Variants in RANBP3 observed in about 807,000 individuals in gnomAD.
RANBP3 encodes RAN binding protein 3, also known as ran-binding protein 3.
A neutral mutation model predicts 77.3 loss-of-function variants in RANBP3; 14 were observed. The observed-to-expected ratio is 0.18, with a 90% CI of 0.12 to 0.28. The LOEUF (loss-of-function observed/expected upper bound fraction) is 0.28, where lower values mean the gene tolerates loss of function less well. Among genes scored for constraint, RANBP3 ranks in the 10% least tolerant of loss-of-function variants. The probability of loss-of-function intolerance (pLI) is 1.00; values close to 1 mark genes in which losing one functional copy is unlikely to be tolerated. For missense variants in RANBP3, 586 were observed against 752.3 expected (o/e 0.78, Z 2.59); for synonymous variants, 315 against 312.4 (o/e 1.01, Z -0.09).
intron 3 of RANBP3, among the ~76,000 whole-genome samples, chr19:5,948,864 C>T (rs1041891347): frequency 1.3e-5 from 2 of 152,246 alleles, no homozygotes; most frequent in East Asian, 3.9e-4. Flanking sequence ...CCACCAGGCT[C>T]GCAGTGAGTG....
intron 7 of RANBP3, 23 bp from the exon 8 acceptor site, chr19:5,931,554 G>T: frequency 6.3e-7 from 1 of 1,593,158 alleles, no homozygotes; most frequent in Non-Finnish European, 8.6e-7. Flanking sequence ...AGGAGAGTGG[G>T]GAATCACAGG....
At chr19:5,968,452 T>C (rs2058493726) in intron 1 of RANBP3, among the ~76,000 whole-genome samples, 1 of 152,208 alleles carries the variant, frequency 6.6e-6, no homozygotes, top group South Asian at 2.1e-4. Context: ...CATGCCGTGT[T>C]TGGGGAAGTG....
In RANBP3 at chr19:5,924,700, C is replaced by T; in HGVS notation, c.996+127G>A. 2.1e-6 allele frequency: 2 copies of T among 952,378 alleles called. No individual in the cohort carries two copies. Among genetic ancestry groups the T allele is most frequent in the East Asian group, 2.4e-5 (1 of 41,616 alleles). The allele number at this position is 952,378 out of a possible 1,614,324, so 59.0% of individuals were successfully genotyped here. A position where few individuals can be genotyped will look rare whatever the true frequency, so the allele number is the denominator to read the frequency against. On this transcript the variant is annotated intron_variant, in intron 11 of 16. Transcript: ENST00000340578. The surrounding 1 kb of genome is among the most constrained non-coding windows in gnomAD (Gnocchi z 4.7). ...TCTGAGCAGGGTCTTCCCTCTCTCACTTGCTACTGAAGGCATCCCCATCTC... is the reference window on the plus strand; with the variant it reads ...TCTGAGCAGGGTCTTCCCTCTCTCATTTGCTACTGAAGGCATCCCCATCTC...
At chr19:5,947,301 G>A (rs1158904146) in intron 3 of RANBP3, among the ~76,000 whole-genome samples, 1 of 143,744 alleles carries the variant, frequency 7.0e-6, no homozygotes, top group East Asian at 2.0e-4. Flanking sequence ...GCAACAGAGG[G>A]AGACTCTGTC....
intron 5 of RANBP3, among the ~76,000 whole-genome samples, chr19:5,937,679 C>A (rs1267019564): frequency 6.6e-6 from 1 of 152,188 alleles, no homozygotes; most frequent in Non-Finnish European, 1.5e-5. Flanking sequence ...GTTTGCAGAA[C>A]TGATGTGTGG....
intron 2 of RANBP3, among the ~76,000 whole-genome samples, chr19:5,953,471 A>G (rs1215407482): frequency 6.6e-6 from 1 of 152,224 alleles, no homozygotes; most frequent in African/African-American, 2.4e-5. Context: ...CCACATTTTC[A>G]GTGATACTGT....
At chr19:5,943,316 G>A (rs1455869702) in intron 3 of RANBP3, among the ~76,000 whole-genome samples, 2 of 152,196 alleles carry the variant, frequency 1.3e-5, no homozygotes, top group African/African-American at 4.8e-5. Context: ...AGTGGCCTGG[G>A]AAAGCAAACT....
At chr19:5,925,872 T>G in intron 9 of RANBP3, 135 bp from the exon 10 acceptor site, 2 of 663,818 alleles carry the variant, frequency 3.0e-6, no homozygotes, top group Non-Finnish European at 2.7e-6. Flanking sequence ...CGCCTGTGTG[T>G]GTGCGCGTGC....
At position 5,917,548 on chromosome 19, in the gene RANBP3, C is replaced by T. The variant is rs1265071926; in HGVS notation, c.*62G>A. 28 of 1,230,602 alleles carry T rather than the reference C, an allele frequency of 2.3e-5. No homozygotes were observed. The East Asian group carries it at 5.3e-4, about 23-fold the overall frequency. 76.2% of individuals were successfully genotyped at this position (1,230,602 alleles called of 1,614,324 possible). On this transcript the variant is annotated 3_prime_UTR_variant, in exon 17 of 17. Coordinates refer to ENST00000340578, the MANE Select transcript of RANBP3 (RefSeq NM_007322.3). The stretch of plus-strand genomic sequence containing the variant: ...CTGGACGCTGCCGGTGGGGTGGGGG[C>T]GGGTGGGCGGGTGGATAGACGGACA...
intron 10 of RANBP3, 104 bp from the exon 11 acceptor site, chr19:5,925,009 A>G: frequency 9.6e-7 from 1 of 1,036,768 alleles, no homozygotes. Context: ...GGCACAGTGG[A>G]GGGGCCTCCG....
In RANBP3 at chr19:5,941,653, G is replaced by C. The variant is rs1334268686; in HGVS notation, c.374C>G (p.Ser125Cys). ...TGAGGGTGGGAACTGGGTTAAAGAG[G>C]ATGTTCTTTCTCGCTTGACAGGAGG... is the stretch of plus-strand genomic sequence containing the variant. Reference protein sequence around the residue: ...YCPPVKRERTSSLTQFPPSQS... With the variant: ...YCPPVKRERTCSLTQFPPSQS... Residue 125 changes from serine to cysteine, a missense_variant, in exon 5 of 17, where the codon TCC becomes TGC. By Grantham distance (112) the Ser-to-Cys change is moderately radical (BLOSUM62 -1). Transcript: ENST00000340578. 7.4e-6 allele frequency: 12 copies of C among 1,613,696 alleles called. No individual in the cohort carries two copies. Among genetic ancestry groups the C allele is most frequent in the African/African-American group, 1.3e-5 (1 of 74,932 alleles).
chr19:5,943,126 C>T (rs13343327), intron 3 of RANBP3, among the ~76,000 whole-genome samples: 1 of 152,314 alleles, frequency 6.6e-6, no homozygotes, highest in South Asian at 2.1e-4. Context: ...CAAAGCGCAC[C>T]GATGAGTGAG....
At chr19:5,957,259 G>A (rs534707128) in intron 2 of RANBP3, among the ~76,000 whole-genome samples, 7 of 152,258 alleles carry the variant, frequency 4.6e-5, no homozygotes, top group Admixed American at 6.5e-5. Flanking sequence ...AGCACCCATC[G>A]TTGTCTTATC....
chr19:5,951,550 C>CG lies in RANBP3; in HGVS notation c.124dup (p.Arg42ProfsTer5). ...ATGGTGGGGGGCCTCAGCCTCCCCC[C>CG]GAGGCTCCTCTCCCGAATCCGACAA... On this transcript the variant is annotated frameshift_variant, in exon 3 of 17. Transcript: ENST00000340578. LOFTEE classifies it high-confidence loss of function. 4 of 1,612,960 alleles carry CG rather than the reference C, an allele frequency of 2.5e-6. No homozygotes were observed. The highest frequency in any genetic ancestry group is 3.4e-6 in the Non-Finnish European group (4 of 1,179,488).
At chr19:5,976,528 G>C (rs945406967) in intron 1 of RANBP3, 6 of 152,048 alleles carry the variant, frequency 3.9e-5, no homozygotes, top group South Asian at 2.1e-4. Context: ...GGCAGATCAC[G>C]AGGTCAGGAG....
intron 3 of RANBP3, among the ~76,000 whole-genome samples, chr19:5,949,605 A>G (rs1462278050): frequency 1.3e-5 from 2 of 152,142 alleles, no homozygotes; most frequent in African/African-American, 4.8e-5. Context: ...GCAGCCTCCA[A>G]TCCTGGCTCT....
At chr19:5,932,711 T>A in intron 6 of RANBP3, 167 bp from the exon 7 acceptor site, 1 of 593,258 alleles carries the variant, frequency 1.7e-6, no homozygotes, top group South Asian at 2.0e-5. Context: ...GGCCAGGAGA[T>A]CTGGCTACTG....
chr19:5,959,144 T>G lies in RANBP3; in HGVS notation c.23-1171A>C, dbSNP rs371734651. Among the ~76,000 whole-genome samples, 6 of 152,016 alleles carry G rather than the reference T, an allele frequency of 3.9e-5. No individual in the cohort carries two copies. The highest frequency in any genetic ancestry group is 1.9e-4 in the East Asian group (1 of 5,134). On this transcript the variant is annotated intron_variant, in intron 1 of 16. Transcript: ENST00000340578. The surrounding 1 kb of genome is among the most constrained non-coding windows in gnomAD (Gnocchi z 5.1). ...GCTGGAAGGGAGAGCAGCAGCAGCT[T>G]GAAGTCACAGCTTGCGGGGTGATGG...
rs1004049343 is a variant in RANBP3, at chr19:5,959,183, C to T, written c.23-1210G>A. 6.6e-6 allele frequency among the ~76,000 whole-genome samples: 1 copy of T among 151,910 alleles called. No homozygotes were observed. The highest frequency in any genetic ancestry group is 2.4e-5 in the African/African-American group (1 of 41,332). Reference sequence around the variant, plus strand: ...GCGGGGTGATGGGGCCAGGGGCAGGCGGTGGGCATGCTGACTTGCTGGGGA... The same window carrying T: ...GCGGGGTGATGGGGCCAGGGGCAGGTGGTGGGCATGCTGACTTGCTGGGGA... On this transcript the variant is annotated intron_variant, in intron 1 of 16. Transcript: ENST00000340578. This position sits in a 1 kb window ranked among gnomAD's most constrained non-coding sequence, Gnocchi z 5.1.
Sources: allele counts gnomAD v4.1 joint callset (sites outside exome capture counted in the v4.1 genomes callset), GRCh38; gene constraint gnomAD v4.1.1; non-coding constraint Gnocchi (gnomAD v3.1); transcripts MANE v1.5; gene names NCBI Gene and HGNC (gene_info 2026-07-23, HGNC 2026-07-21).